SRPK2: variants seen among roughly 807,000 people sequenced by gnomAD.
The protein encoded by SRPK2 is SFRS protein kinase 2.
In SRPK2, 21 loss-of-function variants were observed where a neutral mutation model predicts 90.8. That is an observed-to-expected ratio of 0.23 (90% CI 0.16 to 0.33). SRPK2 has a LOEUF of 0.33. SRPK2 is among the 10% of genes least tolerant of loss of function. SRPK2 has a pLI of 1.00. For synonymous variants in SRPK2, 288 were observed against 311.1 expected, an observed-to-expected ratio of 0.93 and a Z score of 0.78; for missense variants, 620 against 869.0, an observed-to-expected ratio of 0.71 and a Z score of 3.60.
intron 15 of SRPK2, among the ~76,000 whole-genome samples, chr7:105,125,145 A>G (rs1196439691): frequency 6.6e-6 from 1 of 151,688 alleles, no homozygotes; most frequent in Non-Finnish European, 1.5e-5. Context: ...AAAAAAAAAA[A>G]AAAAGAATAT....
At chr7:105,299,231 T>C (rs1010161004) in intron 2 of SRPK2, among the ~76,000 whole-genome samples, 2 of 152,252 alleles carry the variant, frequency 1.3e-5, no homozygotes, top group Non-Finnish European at 2.9e-5. Context: ...GTTATCTTCC[T>C]AAACCTGCAA....
At chr7:105,271,577 C>T (rs1306624825) in intron 2 of SRPK2, among the ~76,000 whole-genome samples, 2 of 152,156 alleles carry the variant, frequency 1.3e-5, no homozygotes, top group Non-Finnish European at 2.9e-5. Context: ...ATTCCAGAAG[C>T]CATTTAACTG....
intron 2 of SRPK2, among the ~76,000 whole-genome samples, chr7:105,334,694 G>A (rs1814854965): frequency 6.6e-6 from 1 of 151,876 alleles, no homozygotes; most frequent in Non-Finnish European, 1.5e-5. Flanking sequence ...AAAAAAATTA[G>A]CCAGGTATGG....
chr7:105,259,648 A>G (rs1803905454), intron 2 of SRPK2, among the ~76,000 whole-genome samples: 1 of 152,228 alleles, frequency 6.6e-6, no homozygotes, highest in Admixed American at 6.5e-5. Flanking sequence ...CTACAAGGCT[A>G]CAGTAACCAA....
chr7:105,315,593 C>T (rs1435860453), intron 2 of SRPK2, among the ~76,000 whole-genome samples: 2 of 152,194 alleles, frequency 1.3e-5, no homozygotes, highest in Non-Finnish European at 2.9e-5. Flanking sequence ...CTTTCAACCA[C>T]TTGGCTTTTA....
At chr7:105,290,635 G>A (rs997755507) in intron 2 of SRPK2, among the ~76,000 whole-genome samples, 4 of 152,188 alleles carry the variant, frequency 2.6e-5, no homozygotes, top group African/African-American at 9.7e-5. Context: ...ATCCAGACCA[G>A]CTTGGGTAAC....
intron 1 of SRPK2, among the ~76,000 whole-genome samples, chr7:105,397,648 A>ATTT (rs893333987): frequency 7.3e-6 from 1 of 137,370 alleles, no homozygotes; most frequent in Non-Finnish European, 1.6e-5. Flanking sequence ...TTTTAAAGTA[A>ATTT]TTTTTTTTTT....
At chr7:105,309,393 C>T (rs1476302305) in intron 2 of SRPK2, among the ~76,000 whole-genome samples, 1 of 152,144 alleles carries the variant, frequency 6.6e-6, no homozygotes, top group Non-Finnish European at 1.5e-5. Context: ...ATTAAAGTAT[C>T]CTAGGATAGT....
intron 3 of SRPK2, among the ~76,000 whole-genome samples, chr7:105,192,527 T>G (rs1228790902): frequency 6.6e-6 from 1 of 152,224 alleles, no homozygotes; most frequent in Non-Finnish European, 1.5e-5. Context: ...AGTAACTTTT[T>G]TATATAACGA....
At chr7:105,319,519 C>G (rs201558222) in intron 2 of SRPK2, among the ~76,000 whole-genome samples, 588 of 4,746 alleles carry the variant, frequency 0.12, 7 homozygotes, top group Middle Eastern at 0.25. Context: ...GGGGGGGGGG[C>G]GGTGGATGGC....
In SRPK2 at chr7:105,243,648, AAAC is replaced by A. The variant is rs201711258; in HGVS notation, c.72-39866_72-39864del. Among the ~76,000 whole-genome samples, 23 of 150,948 alleles carry A rather than the reference AAAC, an allele frequency of 1.5e-4. 1 individual carries two copies. The highest frequency in any genetic ancestry group is 1.4e-3 in the East Asian group (7 of 5,020). ...TCCATCTCAAAAAAAAAAAAAAAAA[AAAC>A]CACATGCCAAGCAATCTCAAATAAC... On this transcript the variant is annotated intron_variant, in intron 2 of 15. Coordinates refer to ENST00000393651, the MANE Select transcript of SRPK2 (RefSeq NM_182692.3).
chr7:105,390,741 C>T (rs537677151), upstream of SRPK2, among the ~76,000 whole-genome samples: 4 of 151,810 alleles, frequency 2.6e-5, no homozygotes, highest in Admixed American at 2.0e-4. Context: ...GCCTGAGCCT[C>T]GGCACCCAGC....
intron 4 of SRPK2, among the ~76,000 whole-genome samples, chr7:105,168,719 T>TACACACAC (rs141696554): frequency 8.3e-6 from 1 of 120,306 alleles, no homozygotes; most frequent in Admixed American, 8.3e-5. Context: ...TTTGTTTCAG[T>TACACACAC]ACACACACAC....
At chr7:105,155,161 T>G (rs1806321123) in intron 7 of SRPK2, among the ~76,000 whole-genome samples, 1 of 152,084 alleles carries the variant, frequency 6.6e-6, no homozygotes, top group African/African-American at 2.4e-5. Flanking sequence ...TTTATATTTT[T>G]AGTAGAGACA....
At chr7:105,210,913 G>A (rs1022780210) in intron 2 of SRPK2, among the ~76,000 whole-genome samples, 5 of 152,146 alleles carry the variant, frequency 3.3e-5, no homozygotes, top group Admixed American at 1.3e-4. Flanking sequence ...ACAGCTAGAA[G>A]AATAGTAAGA....
intron 3 of SRPK2, among the ~76,000 whole-genome samples, chr7:105,180,533 A>T (rs930885123): frequency 2.6e-5 from 4 of 152,216 alleles, no homozygotes; most frequent in African/African-American, 7.2e-5. Flanking sequence ...AGGCAGGCAG[A>T]TCACTTGAGG....
At chr7:105,237,268 T>C (rs1257936722) in intron 2 of SRPK2, among the ~76,000 whole-genome samples, 1 of 152,204 alleles carries the variant, frequency 6.6e-6, no homozygotes, top group African/African-American at 2.4e-5. Context: ...GAATAGAAAA[T>C]CTAACCATTA....
intron 2 of SRPK2, among the ~76,000 whole-genome samples, chr7:105,341,955 A>G (rs1318261765): frequency 6.6e-6 from 1 of 151,822 alleles, no homozygotes; most frequent in African/African-American, 2.4e-5. Flanking sequence ...TGCCAGAGCG[A>G]GACTCTGTCT....
chr7:105,159,466 A>AAAAAAAAAAAAAAAAAAAAAAAAAAAAC (rs1316365933), intron 7 of SRPK2, among the ~76,000 whole-genome samples: 14 of 114,282 alleles, frequency 1.2e-4, no homozygotes, highest in Non-Finnish European at 2.4e-4. Context: ...AAAAAAAAAA[A>AAAAAAAAAAAAAAAAAAAAAAAAAAAAC]AAAAAAACCG....
Sources: gnomAD v4.1 joint callset for allele counts (sites outside exome capture counted in the v4.1 genomes callset) on GRCh38, gnomAD v4.1.1 for gene constraint, MANE v1.5 for transcripts, NCBI Gene and HGNC (gene_info 2026-07-23, HGNC 2026-07-21) for gene names.